DOCK5: variants seen among roughly 807,000 people sequenced by gnomAD.
The protein encoded by DOCK5 is dedicator of cytokinesis protein 5.
DOCK5 carries 142 observed loss-of-function variants against 251.8 expected under a neutral mutation model. The observed-to-expected ratio is 0.56, with a 90% CI of 0.49 to 0.65. The LOEUF is 0.65. DOCK5 is among the 30% of genes least tolerant of loss of function. The pLI is 0.00. For missense variants in DOCK5, 2,111 were observed against 2,312.3 expected (o/e 0.91, Z 1.79); for synonymous variants, 842 against 835.5 (o/e 1.01, Z -0.13).
intron 4 of DOCK5, among the ~76,000 whole-genome samples, chr8:25,277,636 G>T (rs1586288023): frequency 6.6e-6 from 1 of 152,188 alleles, no homozygotes. Flanking sequence ...CCTCTTTCCG[G>T]TGGGCCGTGG....
intron 38 of DOCK5, among the ~76,000 whole-genome samples, chr8:25,379,222 C>T (rs1412909009): frequency 1.3e-5 from 2 of 152,116 alleles, no homozygotes. Flanking sequence ...ATTTCCCAAC[C>T]CTAGTAAACC....
At chr8:25,300,748 G>A in intron 9 of DOCK5, 91 bp downstream of exon 9, 4 of 1,342,992 alleles carry the variant, frequency 3.0e-6, no homozygotes, top group Admixed American at 2.3e-5. Context: ...AAAATGAAAA[G>A]ATGAAAGGAA....
intron 2 of DOCK5, among the ~76,000 whole-genome samples, chr8:25,262,695 A>G (rs1803622737): frequency 6.6e-6 from 1 of 152,194 alleles, no homozygotes; most frequent in South Asian, 2.1e-4. Flanking sequence ...CCAATGTTTT[A>G]TGCCATAAAT....
chr8:25,300,713 C>T, intron 9 of DOCK5, 56 bp downstream of exon 9: 1 of 1,467,890 alleles, frequency 6.8e-7, no homozygotes, highest in South Asian at 1.2e-5. Context: ...AGCATATTCA[C>T]ATAATGAATA....
At chr8:25,385,511 G>C (rs1801150004) in intron 40 of DOCK5, among the ~76,000 whole-genome samples, 1 of 152,176 alleles carries the variant, frequency 6.6e-6, no homozygotes, top group South Asian at 2.1e-4. Flanking sequence ...GGAGGGGGTA[G>C]TTGAACCATT....
intron 1 of DOCK5, among the ~76,000 whole-genome samples, chr8:25,186,318 T>C (rs2117429409): frequency 6.6e-6 from 1 of 151,880 alleles, no homozygotes; most frequent in Non-Finnish European, 1.5e-5. Flanking sequence ...ATCTCAGAAA[T>C]GGGTAGAGAT....
chr8:25,208,099 G>A (rs1338458592), intron 1 of DOCK5, among the ~76,000 whole-genome samples: 1 of 152,214 alleles, frequency 6.6e-6, no homozygotes, highest in Non-Finnish European at 1.5e-5. Flanking sequence ...AATAGCAAGA[G>A]CACTAGAATT....
chr8:25,188,755 A>G (rs1335516005), intron 1 of DOCK5, among the ~76,000 whole-genome samples: 1 of 152,186 alleles, frequency 6.6e-6, no homozygotes, highest in Non-Finnish European at 1.5e-5. Flanking sequence ...CCCCAGTGTT[A>G]AGTGCTCAGT....
rs545756029 is a variant in DOCK5, at chr8:25,243,609, G to T, written c.44-65G>T. 4 of 1,488,060 alleles carry T rather than the reference G, an allele frequency of 2.7e-6. No individual in the cohort carries two copies. In the African/African-American group the frequency reaches 4.1e-5, roughly 15 times the overall value. The allele number at this position is 1,488,060 out of a possible 1,614,324, so 92.2% of individuals were successfully genotyped here. On this transcript the variant is annotated intron_variant, in intron 1 of 51. Coordinates refer to ENST00000276440, the MANE Select transcript of DOCK5 (RefSeq NM_024940.8). The stretch of plus-strand genomic sequence containing the variant: ...CTCTCAAAGTGCTGAGATTATAGGC[G>T]TGAGCCACCGTGCCCAGCCAAGTGA...
At chr8:25,311,271 G>A (rs1805086846) in intron 13 of DOCK5, among the ~76,000 whole-genome samples, 1 of 152,038 alleles carries the variant, frequency 6.6e-6, no homozygotes, top group Admixed American at 6.6e-5. Flanking sequence ...TGGCCGAGCA[G>A]GGTGGCTCAC....
At chr8:25,221,765 A>G (rs998058921) in intron 1 of DOCK5, among the ~76,000 whole-genome samples, 1 of 152,212 alleles carries the variant, frequency 6.6e-6, no homozygotes, top group Non-Finnish European at 1.5e-5. Context: ...GGAATCATGC[A>G]TAAAGTGTAC....
intron 1 of DOCK5, among the ~76,000 whole-genome samples, chr8:25,213,719 C>T (rs1309095386): frequency 6.6e-6 from 1 of 152,186 alleles, no homozygotes; most frequent in East Asian, 1.9e-4. Context: ...ATTGCAGTCA[C>T]TCTAATCCTG....
chr8:25,215,940 C>G (rs1032603136), intron 1 of DOCK5, among the ~76,000 whole-genome samples: 1 of 139,434 alleles, frequency 7.2e-6, no homozygotes, highest in Non-Finnish European at 1.6e-5. Context: ...AATACACACA[C>G]ACACACACAC....
chr8:25,202,166 C>T lies in DOCK5; in HGVS notation c.43+17215C>T, dbSNP rs1009512336. 3.3e-5 allele frequency among the ~76,000 whole-genome samples: 5 copies of T among 152,116 alleles called. No homozygotes were observed. In the South Asian group the frequency reaches 1.0e-3, roughly 31 times the overall value. On this transcript the variant is annotated intron_variant, in intron 1 of 51. Transcript: ENST00000276440. ...CCAAGTAGCTGTGACTACAGGCATG[C>T]ACCACCACCCCCAGCTAATTTTTGT...
intron 27 of DOCK5, among the ~76,000 whole-genome samples, chr8:25,354,386 A>G (rs958222179): frequency 5.9e-5 from 9 of 152,366 alleles, no homozygotes; most frequent in African/African-American, 1.9e-4. Context: ...GCTATAGATA[A>G]TTACATACTT....
intron 31 of DOCK5, among the ~76,000 whole-genome samples, chr8:25,367,643 A>G (rs962465092): frequency 1.3e-5 from 2 of 152,202 alleles, no homozygotes; most frequent in Admixed American, 6.5e-5. Flanking sequence ...AAAACTGCCT[A>G]CATATACAAA....
At chr8:25,296,239 C>T (rs1055386733) in intron 6 of DOCK5, among the ~76,000 whole-genome samples, 8 of 152,200 alleles carry the variant, frequency 5.3e-5, no homozygotes, top group Non-Finnish European at 8.8e-5. Context: ...GGAATTTAGT[C>T]AGAATCAGTG....
At chr8:25,337,371 A>G (rs1448257693) in intron 22 of DOCK5, among the ~76,000 whole-genome samples, 7 of 152,166 alleles carry the variant, frequency 4.6e-5, no homozygotes, top group Admixed American at 4.6e-4. Flanking sequence ...TAAATTCTTC[A>G]GGATAGAAAT....
chr8:25,407,214 T>C (rs1350311142), intron 48 of DOCK5, among the ~76,000 whole-genome samples: 1 of 152,090 alleles, frequency 6.6e-6, no homozygotes, highest in Non-Finnish European at 1.5e-5. Flanking sequence ...ATTTCTAGAA[T>C]GTAGTAATCT....
Sources: allele counts gnomAD v4.1 joint callset (sites outside exome capture counted in the v4.1 genomes callset), GRCh38; gene constraint gnomAD v4.1.1; transcripts MANE v1.5; gene names NCBI Gene and HGNC (gene_info 2026-07-23, HGNC 2026-07-21).